FADS6: variants seen among roughly 807,000 people sequenced by gnomAD.
FADS6 encodes fatty acid desaturase 6, also known as fatty acid desaturase domain family, member 6.
In FADS6, 28 loss-of-function variants were observed where a neutral mutation model predicts 31.7. The observed-to-expected ratio is 0.88, with a 90% CI of 0.66 to 1.21. FADS6 has a LOEUF of 1.21. Among genes scored for constraint, FADS6 ranks in the 50% most tolerant of loss-of-function variants. The probability of loss-of-function intolerance (pLI) is 0.00; values close to 1 mark genes in which losing one functional copy is unlikely to be tolerated. For missense variants in FADS6, 494 were observed against 504.2 expected, an observed-to-expected ratio of 0.98 and a Z score of 0.19; for synonymous variants, 191 against 213.1, an observed-to-expected ratio of 0.90 and a Z score of 0.90.
At chr17:74,879,297 C>A in intron 5 of FADS6, 107 bp downstream of exon 5, 1 of 1,390,730 alleles carries the variant, frequency 7.2e-7, no homozygotes, top group Non-Finnish European at 9.7e-7. Flanking sequence ...TCAGCCTCCG[C>A]AAGTGCCAGG....
At chr17:74,880,206 GC>G (rs1200842108) in intron 4 of FADS6, among the ~76,000 whole-genome samples, 2 of 152,094 alleles carry the variant, frequency 1.3e-5, no homozygotes, top group African/African-American at 4.8e-5. Context: ...TGAATGCTGA[GC>G]CCTGGCCTCC....
rs2038529429 is a variant in FADS6, at chr17:74,878,386, C to T, written c.1052G>A (p.Arg351His). 1 of 1,614,000 alleles carries T rather than the reference C, an allele frequency of 6.2e-7. No homozygotes were observed. Among genetic ancestry groups the T allele is most frequent in the Non-Finnish European group, 8.5e-7 (1 of 1,179,880 alleles). ...GGCCTGCACCATGAATTCCTCATAG[C>T]GACGGAGAAACAGCTGGAAGCGAGC... ...YLARFQLFLR[R>H]YEEFMVQAPP... Residue 351 changes from arginine (R) to histidine (H), a missense_variant, in exon 6 of 6, where the codon CGC becomes CAC. Physicochemically the swap from Arg to His is conservative, Grantham distance 29. Coordinates refer to ENST00000612771, the MANE Select transcript of FADS6 (RefSeq NM_178128.6).
chr17:74,888,155 C>CGCGG lies in FADS6; in HGVS notation c.411+4367_411+4368insCCGC, dbSNP rs1555625286. 9.8e-4 allele frequency among the ~76,000 whole-genome samples: 85 copies of CGCGG among 86,310 alleles called. 5 individuals are homozygous for CGCGG. The highest frequency in any genetic ancestry group is 1.0e-4 in the African/African-American group (1 of 9,644). 56.6% of individuals were successfully genotyped at this position (86,310 alleles called of 152,430 possible). A position where few individuals can be genotyped will look rare whatever the true frequency, so the allele number is the denominator to read the frequency against. On this transcript the variant is annotated intron_variant, in intron 2 of 5. Transcript: ENST00000612771. ...ACACACACACACACACACACACACA[C>CGCGG]GCGCGCGCGCGCGCGCGCAGAGTAC... is the stretch of plus-strand genomic sequence containing the variant.
intron 2 of FADS6, among the ~76,000 whole-genome samples, chr17:74,891,112 ATTTTT>A: frequency 8.1e-6 from 1 of 123,130 alleles, no homozygotes; most frequent in East Asian, 2.3e-4. Flanking sequence ...TTTCTTTTTG[ATTTTT>A]TTTTTTTTTT....
At chr17:74,891,177 A>G (rs1217569981) in intron 2 of FADS6, among the ~76,000 whole-genome samples, 1 of 134,366 alleles carries the variant, frequency 7.4e-6, no homozygotes, top group Non-Finnish European at 1.5e-5. Flanking sequence ...AGCTGGGATT[A>G]CAGGTGCGTG....
At chr17:74,888,207 T>C (rs114633475) in intron 2 of FADS6, among the ~76,000 whole-genome samples, 122 of 151,128 alleles carry the variant, frequency 8.1e-4, no homozygotes, top group African/African-American at 2.9e-3. Flanking sequence ...GGTTTTGATA[T>C]TGAATGACAC....
intron 2 of FADS6, among the ~76,000 whole-genome samples, chr17:74,884,646 G>A (rs946609467): frequency 6.6e-6 from 1 of 152,174 alleles, no homozygotes. Context: ...GGAGCAGGCA[G>A]TGACATGATG....
At chr17:74,881,963 G>A (rs1226308266) in intron 3 of FADS6, among the ~76,000 whole-genome samples, 1 of 150,656 alleles carries the variant, frequency 6.6e-6, no homozygotes. Flanking sequence ...TTGAGACAGA[G>A]GCTCCTCTGT....
rs375851737 is a variant in FADS6 at position 74,879,541 on chromosome 17, G to A, written c.823C>T (p.Arg275Trp). 3.8e-5 allele frequency: 62 copies of A among 1,613,398 alleles called. No homozygotes were observed. In the East Asian group the frequency reaches 6.0e-4, roughly 16 times the overall value. The stretch of plus-strand genomic sequence containing the variant: ...ACCCCCAGGCTCATCATGTGAATCC[G>A]ACGGGGCTTGTTGTCCCGGGAGAAC... ...PMFSRDNKPR[R>W]IHMMSLGVLN... The change falls in exon 5 of 6, where the codon CGG becomes TGG. Residue 275 changes from arginine (R) to tryptophan (W), a missense_variant. Physicochemically the swap from Arg to Trp is moderately radical, Grantham distance 101. This residue lies in a region of FADS6 where 454 missense variants were observed against 438.5 expected (regional missense o/e 1.04). Transcript: ENST00000612771.
At chr17:74,882,915 G>A (rs1379067893) in intron 2 of FADS6, 19 of 1,383,202 alleles carry the variant, frequency 1.4e-5, no homozygotes, top group South Asian at 8.7e-5. Flanking sequence ...CAATACAATC[G>A]TGTCCGTTTG....
At position 74,884,440 on chromosome 17, in the gene FADS6, T is replaced by TC. The variant is rs1299564593; in HGVS notation, c.412-1731dup. On this transcript the variant is annotated intron_variant, in intron 2 of 5. Coordinates refer to ENST00000612771, the MANE Select transcript of FADS6 (RefSeq NM_178128.6). ...ATTGGTTGTCTGAAATTCAAATTCATCAATGTGTGTTAGGCCATTCTTGCA... is the reference window on the plus strand; with the variant it reads ...ATTGGTTGTCTGAAATTCAAATTCATCCAATGTGTGTTAGGCCATTCTTGCA... Among the ~76,000 whole-genome samples, 15 of 152,238 alleles carry TC rather than the reference T, an allele frequency of 9.9e-5. 1 individual carries two copies. The highest frequency in any genetic ancestry group is 3.3e-4 in the Admixed American group (5 of 15,276).
intron 2 of FADS6, among the ~76,000 whole-genome samples, chr17:74,892,241 G>A (rs1273497668): frequency 6.6e-6 from 1 of 152,158 alleles, no homozygotes; most frequent in African/African-American, 2.4e-5. Flanking sequence ...AACCCTGACT[G>A]CAAAATCTGG....
In FADS6 at chr17:74,881,154, A is replaced by G. The variant is rs1477581310; in HGVS notation, c.694T>C (p.Phe232Leu). 1 of 1,613,400 alleles carries G rather than the reference A, an allele frequency of 6.2e-7. No homozygotes were observed. Among genetic ancestry groups the G allele is most frequent in the East Asian group, 2.2e-5 (1 of 44,868 alleles). ...HYWLLLNVSG[F>L]KNPSSALGCM... is the part of the protein sequence containing the mutation. The stretch of plus-strand genomic sequence containing the variant: ...CCCAGGGCTGAGCTGGGGTTCTTGA[A>G]GCCTGACACGTTCAGGAGCAGCCAG... The change falls in exon 4 of 6, where the codon TTC (phenylalanine) becomes CTC (leucine). Residue 232 changes from phenylalanine to leucine, a missense_variant. Phe to Leu is a conservative substitution (Grantham distance 22). This residue lies in a region of FADS6 where 454 missense variants were observed against 438.5 expected (regional missense o/e 1.04). Coordinates refer to ENST00000612771, the MANE Select transcript of FADS6 (RefSeq NM_178128.6).
intron 2 of FADS6, among the ~76,000 whole-genome samples, chr17:74,889,854 G>C (rs2038669076): frequency 8.7e-6 from 1 of 114,538 alleles, no homozygotes; most frequent in African/African-American, 3.3e-5. Context: ...CTGGGCAACA[G>C]AGTGAGACTC....
rs1380594261 is a variant in FADS6 at position 74,886,457 on chromosome 17, CT to C, written c.412-3748del. Among the ~76,000 whole-genome samples, 6 of 39,076 alleles carry C rather than the reference CT, an allele frequency of 1.5e-4. No homozygotes were observed. The South Asian group carries it at 7.4e-3, about 48-fold the overall frequency. The allele number at this position is 39,076 out of a possible 152,430, so 25.6% of individuals were successfully genotyped here. ...CCTGGGCAATACAGTGAAATCCTGT[CT>C]AAAAAAAAAAAAAAAAAAAAAAAAA... On this transcript the variant is annotated intron_variant, in intron 2 of 5. Transcript: ENST00000612771.
At chr17:74,882,920 C>A in intron 2 of FADS6, 1 of 1,358,132 alleles carries the variant, frequency 7.4e-7, no homozygotes, top group South Asian at 1.5e-5. Context: ...CAATCGTGTC[C>A]GTTTGACGAG....
At chr17:74,893,255 T>TCCCACGGCTGCTGTTGCAGAC (rs1316502132) in intron 1 of FADS6, 97 bp downstream of exon 1, 1 of 1,337,526 alleles carries the variant, frequency 7.5e-7, no homozygotes, top group East Asian at 2.9e-5. Context: ...CAGGCTGCAC[T>TCCCACGGCTGCTGTTGCAGAC]CCCACGGCTG....
At chr17:74,892,320 G>A (rs548846573) in intron 2 of FADS6, among the ~76,000 whole-genome samples, 5 of 152,338 alleles carry the variant, frequency 3.3e-5, no homozygotes, top group Admixed American at 2.6e-4. Flanking sequence ...TACCCATGGG[G>A]TGCAAAGACC....
rs1567931203 is a variant in FADS6 at position 74,893,530 on chromosome 17, C to T, written c.66G>A (p.Thr22=). Reference sequence around the variant, plus strand: ...TGGGCTCCGTAGGTTCCATGGGCTCCGTAGGTTCCATGGGCTCCGTAGGTT... The same window carrying T: ...TGGGCTCCGTAGGTTCCATGGGCTCTGTAGGTTCCATGGGCTCCGTAGGTT... The part of the protein sequence containing the change: ...PMEPTEPMEP[T]EPMEPTEPME... Residue 22 remains threonine, a synonymous_variant, in exon 1 of 6, where the codon ACG becomes ACA. Transcript: ENST00000612771. The T allele has an allele frequency of 1.6e-5, 23 of 1,435,424 alleles. No homozygotes were observed. The highest frequency in any genetic ancestry group is 2.1e-5 in the Non-Finnish European group (23 of 1,081,372). 88.9% of individuals were successfully genotyped at this position (1,435,424 alleles called of 1,614,324 possible).
Sources: allele counts gnomAD v4.1 joint callset (sites outside exome capture counted in the v4.1 genomes callset), GRCh38; gene constraint gnomAD v4.1.1; regional missense constraint gnomAD v4.1.1; transcripts MANE v1.5; gene names NCBI Gene and HGNC (gene_info 2026-07-23, HGNC 2026-07-21).